The following RBL2 variants were observed in gnomAD, a reference collection of about 807,000 sequenced individuals.
RBL2 encodes the protein RB transcriptional corepressor like 2, also known as retinoblastoma-like protein 2.
A neutral mutation model predicts 126.0 loss-of-function variants in RBL2; 56 were observed. That is an observed-to-expected ratio of 0.44 (90% CI 0.36 to 0.56). RBL2 has a LOEUF of 0.56. Ranked by LOEUF, RBL2 falls within the 20% of genes least tolerant of loss-of-function variation. The pLI, the probability that RBL2 is intolerant of heterozygous loss-of-function variation, is 0.00. For synonymous variants in RBL2, 454 were observed against 478.5 expected, an observed-to-expected ratio of 0.95 and a Z score of 0.67; for missense variants, 1,229 against 1,398.2, an observed-to-expected ratio of 0.88 and a Z score of 1.93.
intron 17 of RBL2, 145 bp from the exon 18 acceptor site, chr16:53,479,009 A>G (rs1960838157): frequency 1.6e-6 from 1 of 643,844 alleles, no homozygotes; most frequent in South Asian, 1.9e-5. Context: ...TTCATTTGCT[A>G]TATGCCGTTA....
intron 9 of RBL2, among the ~76,000 whole-genome samples, chr16:53,461,487 G>A (rs960978919): frequency 9.9e-5 from 15 of 150,868 alleles, no homozygotes; most frequent in African/African-American, 3.7e-4. Context: ...GCGAGACTCT[G>A]TCTCAAAAAA....
At position 53,486,328 on chromosome 16, in the gene RBL2, A is replaced by G. The variant is rs181881109; in HGVS notation, c.3250-3802A>G. Among the ~76,000 whole-genome samples, 9 of 152,248 alleles carry G rather than the reference A, an allele frequency of 5.9e-5. No individual in the cohort carries two copies. The East Asian group carries it at 1.5e-3, about 26-fold the overall frequency. ...AACTTTAATGCCAATAAATGTGACA[A>G]TGCACATGAAATAGACAAATTCTTG... On this transcript the variant is annotated intron_variant, in intron 21 of 21. Coordinates refer to ENST00000262133, the MANE Select transcript of RBL2 (RefSeq NM_005611.4).
At chr16:53,481,394 A>G (rs1274629225) in intron 20 of RBL2, 3 of 303,762 alleles carry the variant, frequency 9.9e-6, no homozygotes, top group Non-Finnish European at 1.8e-5. Flanking sequence ...ATTTCCTCAT[A>G]TATAAAATGG....
chr16:53,443,536 C>A (rs2058035899), intron 3 of RBL2, among the ~76,000 whole-genome samples: 1 of 152,186 alleles, frequency 6.6e-6, no homozygotes, highest in African/African-American at 2.4e-5. Context: ...GCTTTCTGAT[C>A]ACTTCTGCAA....
At chr16:53,441,190 C>A (rs1293401539) in intron 2 of RBL2, among the ~76,000 whole-genome samples, 1 of 152,012 alleles carries the variant, frequency 6.6e-6, no homozygotes, top group Non-Finnish European at 1.5e-5. Flanking sequence ...GAACTCCTGA[C>A]CTCAAGTGAT....
chr16:53,487,557 CAT>C (rs961869076), intron 21 of RBL2: 2 of 152,192 alleles, frequency 1.3e-5, no homozygotes, highest in African/African-American at 4.8e-5. Context: ...GAACCACAGA[CAT>C]AAATGTAAAA....
At chr16:53,473,174 C>T (rs916086301) in intron 17 of RBL2, among the ~76,000 whole-genome samples, 2 of 151,660 alleles carry the variant, frequency 1.3e-5, no homozygotes, top group African/African-American at 4.8e-5. Flanking sequence ...AGATTATTTT[C>T]GAAGTCCCTT....
In RBL2 at chr16:53,454,763, G is replaced by T; in HGVS notation, c.1100G>T (p.Arg367Met). The T allele has an allele frequency of 6.2e-7, 1 of 1,614,112 alleles. No individual in the cohort carries two copies. The highest frequency in any genetic ancestry group is 8.5e-7 in the Non-Finnish European group (1 of 1,179,992). ...DAEEEIGTLS[R>M]CLNAGSGTET... The stretch of plus-strand genomic sequence containing the variant: ...GAGGAGGAAATTGGGACTCTCTCAA[G>T]GTGTCTGAACGCTGGTTCAGGAACA... The change falls in exon 8 of 22, where the codon AGG (arginine) becomes ATG (methionine). Residue 367 changes from arginine to methionine, a missense_variant. This residue lies in a region of RBL2 where 1,070 missense variants were observed against 1,274.3 expected (regional missense o/e 0.84). Coordinates refer to ENST00000262133, the MANE Select transcript of RBL2 (RefSeq NM_005611.4).
chr16:53,486,293 CCT>C (rs1961174296), intron 21 of RBL2, among the ~76,000 whole-genome samples: 1 of 152,010 alleles, frequency 6.6e-6, no homozygotes, highest in Non-Finnish European at 1.5e-5. Flanking sequence ...AGAGTGAGAC[CCT>C]GTTTCAAAAC....
At position 53,459,453 on chromosome 16, in the gene RBL2, C is replaced by G; in HGVS notation, c.1182C>G (p.Ser394=). Residue 394 remains serine, a splice_region_variant and synonymous_variant, in exon 9 of 22, where the codon TCC becomes TCG. Transcript: ENST00000262133. The stretch of plus-strand genomic sequence containing the variant: ...TGTGTAATTTTTTTTTTCTTTAGTC[C>G]AAAGCACTTAGAATCTCCACACCAC... ...KNILQQHFDK[S]KALRISTPLT... is the part of the protein sequence containing the mutation. 6.2e-7 allele frequency: 1 copy of G among 1,609,520 alleles called. No individual in the cohort carries two copies. Among genetic ancestry groups the G allele is most frequent in the East Asian group, 2.2e-5 (1 of 44,794 alleles).
intron 9 of RBL2, among the ~76,000 whole-genome samples, chr16:53,461,487 G>T (rs960978919): frequency 6.6e-6 from 1 of 150,870 alleles, no homozygotes; most frequent in Non-Finnish European, 1.5e-5. Flanking sequence ...GCGAGACTCT[G>T]TCTCAAAAAA....
At chr16:53,451,951 A>G in intron 5 of RBL2, 120 bp downstream of exon 5, 8 of 1,150,570 alleles carry the variant, frequency 7.0e-6, no homozygotes, top group Non-Finnish European at 4.9e-6. Flanking sequence ...ACGGCTATCC[A>G]GGGTACTTAT....
At position 53,454,663 on chromosome 16, in the gene RBL2, A is replaced by G. The variant is rs747051272; in HGVS notation, c.1000A>G (p.Ile334Val). 1.4e-5 allele frequency: 22 copies of G among 1,609,460 alleles called. No homozygotes were observed. Among genetic ancestry groups the G allele is most frequent in the Non-Finnish European group, 1.8e-5 (21 of 1,176,860 alleles). ...TATTTGTTTTTCCTATAGTAAAGCC[A>G]TCAATAAGGCCTATGAGGAGTATGT... is the stretch of plus-strand genomic sequence containing the variant. ...PGNFGESFKA[I>V]NKAYEEYVLS... Residue 334 changes from isoleucine to valine, a missense_variant, in exon 8 of 22, where the codon ATC becomes GTC. Ile to Val is a conservative substitution (Grantham distance 29). This residue lies in a region of RBL2 where 1,070 missense variants were observed against 1,274.3 expected (regional missense o/e 0.84). Coordinates refer to ENST00000262133, the MANE Select transcript of RBL2 (RefSeq NM_005611.4).
chr16:53,486,767 T>C (rs1289955841), intron 21 of RBL2, among the ~76,000 whole-genome samples: 1 of 152,168 alleles, frequency 6.6e-6, no homozygotes, highest in Non-Finnish European at 1.5e-5. Flanking sequence ...CTGGGAGTCC[T>C]AGCATGTGCA....
intron 13 of RBL2, 153 bp from the exon 14 acceptor site, chr16:53,466,901 GTTTT>G: frequency 1.8e-6 from 1 of 568,530 alleles, no homozygotes; most frequent in South Asian, 2.3e-5. Flanking sequence ...ACTGCCAAAA[GTTTT>G]TTTTTTAACT....
rs577238229 is a variant in RBL2 at position 53,461,702 on chromosome 16, A to G, written c.1347-39A>G. On this transcript the variant is annotated intron_variant, in intron 9 of 21. Transcript: ENST00000262133. The stretch of plus-strand genomic sequence containing the variant: ...CATTTTATCCCCTTGTGACTTGACA[A>G]GACCTTTAAATTATGTTATTTCTCA... 9 of 1,430,162 alleles carry G rather than the reference A, an allele frequency of 6.3e-6. No individual in the cohort carries two copies. In the African/African-American group the frequency reaches 1.0e-4, roughly 16 times the overall value. 88.6% of individuals were successfully genotyped at this position (1,430,162 alleles called of 1,614,324 possible). A position where few individuals can be genotyped will look rare whatever the true frequency, so the allele number is the denominator to read the frequency against.
intron 10 of RBL2, 69 bp downstream of exon 10, chr16:53,461,919 C>A: frequency 7.5e-7 from 1 of 1,327,128 alleles, no homozygotes; most frequent in Non-Finnish European, 1.1e-6. Context: ...TTCTTACTAA[C>A]TAAGAAAGAT....
At chr16:53,444,996 A>G (rs1169751687) in intron 3 of RBL2, among the ~76,000 whole-genome samples, 1 of 152,042 alleles carries the variant, frequency 6.6e-6, no homozygotes, top group South Asian at 2.1e-4. Context: ...TTGTTTTGCT[A>G]TTTCTTAGGA....
At chr16:53,453,350 C>T (rs2058134057) in intron 5 of RBL2, 102 bp from the exon 6 acceptor site, 1 of 1,045,624 alleles carries the variant, frequency 9.6e-7, no homozygotes, top group Non-Finnish European at 1.4e-6. Context: ...CATTTGTATG[C>T]TAAGTGGTAT....
Sources: gnomAD v4.1 joint callset for allele counts (sites outside exome capture counted in the v4.1 genomes callset) on GRCh38, gnomAD v4.1.1 for gene constraint, gnomAD v4.1.1 regional missense constraint, MANE v1.5 for transcripts, NCBI Gene and HGNC (gene_info 2026-07-23, HGNC 2026-07-21) for gene names.